POFUT3: variants seen among roughly 807,000 people sequenced by gnomAD.
POFUT3 encodes GDP-fucose protein O-fucosyltransferase 3.
chr8:33,321,186 G>A, the POFUT3 span, among the ~76,000 whole-genome samples: 1 of 152,004 alleles, frequency 6.6e-6, no homozygotes. Context: ...TAGTTCCCGA[G>A]GTGCAAGTTC....
the POFUT3 span, among the ~76,000 whole-genome samples, chr8:33,312,554 A>G: frequency 6.6e-6 from 1 of 152,244 alleles, no homozygotes; most frequent in East Asian, 1.9e-4. Context: ...ATGAGATTTT[A>G]TATTCCAAGT....
At chr8:33,373,995 C>T in the POFUT3 span, among the ~76,000 whole-genome samples, 9 of 152,140 alleles carry the variant, frequency 5.9e-5, no homozygotes, top group African/African-American at 1.9e-4. Context: ...CCTCAACTCC[C>T]GGGTCATGAA....
At chr8:33,465,405 T>TATATATATATATATATAC in the POFUT3 span, among the ~76,000 whole-genome samples, 4 of 139,640 alleles carry the variant, frequency 2.9e-5, no homozygotes, top group African/African-American at 1.1e-4. Flanking sequence ...TATATATATA[T>TATATATATATATATATAC]ACACACATAC....
At chr8:33,325,830 G>T in the POFUT3 span, among the ~76,000 whole-genome samples, 1 of 152,136 alleles carries the variant, frequency 6.6e-6, no homozygotes. Flanking sequence ...GGTGTGAATG[G>T]TATTTCCAGG....
the POFUT3 span, among the ~76,000 whole-genome samples, chr8:33,437,135 T>C: frequency 6.6e-6 from 1 of 152,162 alleles, no homozygotes; most frequent in Non-Finnish European, 1.5e-5. Flanking sequence ...CCACGGTGTA[T>C]ATGAAGATTT....
the POFUT3 span, among the ~76,000 whole-genome samples, chr8:33,332,583 AGTGG>A: frequency 6.6e-6 from 1 of 152,124 alleles, no homozygotes; most frequent in South Asian, 2.1e-4. Flanking sequence ...TCACAGCGTG[AGTGG>A]GTGCTAAGTA....
At chr8:33,372,583 C>G in the POFUT3 span, 1 of 1,613,262 alleles carries the variant, frequency 6.2e-7, no homozygotes. Context: ...GAAATCAGTC[C>G]TTGAATACTA....
At chr8:33,425,153 C>T in the POFUT3 span, among the ~76,000 whole-genome samples, 10 of 151,680 alleles carry the variant, frequency 6.6e-5, no homozygotes, top group Admixed American at 1.3e-4. Flanking sequence ...CTGGGCAACA[C>T]AGTGAGACAC....
the POFUT3 span, chr8:33,436,513 AC>A: frequency 8.4e-7 from 1 of 1,196,448 alleles, no homozygotes. Flanking sequence ...ACTGATGTTT[AC>A]CCCATAAAGC....
At chr8:33,383,644 C>T in the POFUT3 span, among the ~76,000 whole-genome samples, 1 of 151,996 alleles carries the variant, frequency 6.6e-6, no homozygotes, top group Non-Finnish European at 1.5e-5. Flanking sequence ...ACTAAATATA[C>T]AAAAATTAGC....
At chr8:33,351,834 G>A in the POFUT3 span, among the ~76,000 whole-genome samples, 1 of 152,166 alleles carries the variant, frequency 6.6e-6, no homozygotes, top group African/African-American at 2.4e-5. Flanking sequence ...GTATATAACA[G>A]GTAGAAGATA....
the POFUT3 span, among the ~76,000 whole-genome samples, chr8:33,449,154 G>C: frequency 1.3e-5 from 2 of 151,958 alleles, no homozygotes; most frequent in Non-Finnish European, 2.9e-5. Context: ...CACTGTGCCT[G>C]ATATACAGTA....
chr8:33,430,604 T>C, the POFUT3 span, among the ~76,000 whole-genome samples: 1 of 152,196 alleles, frequency 6.6e-6, no homozygotes, highest in Non-Finnish European at 1.5e-5. Flanking sequence ...TATTTATTTA[T>C]TTTTGTATTT....
At chr8:33,361,522 C>T in the POFUT3 span, 1 of 152,160 alleles carries the variant, frequency 6.6e-6, no homozygotes, top group East Asian at 1.9e-4. Flanking sequence ...GAGGCGTCCA[C>T]AAAACAGAGA....
At chr8:33,309,138 T>TAAA in the POFUT3 span, among the ~76,000 whole-genome samples, 85 of 41,654 alleles carry the variant, frequency 2.0e-3, no homozygotes, top group East Asian at 5.0e-3. Context: ...CTGGGGAGTG[T>TAAA]AAAAAAAAAA....
At chr8:33,348,701 GT>G in the POFUT3 span, among the ~76,000 whole-genome samples, 1 of 152,224 alleles carries the variant, frequency 6.6e-6, no homozygotes, top group African/African-American at 2.4e-5. Flanking sequence ...AATCATTTAT[GT>G]CCTGATATTC....
At chr8:33,357,666 T>A in the POFUT3 span, among the ~76,000 whole-genome samples, 1 of 151,992 alleles carries the variant, frequency 6.6e-6, no homozygotes, top group Admixed American at 6.6e-5. Context: ...ATTCTCTCAA[T>A]CCCAAAAATT....
the POFUT3 span, among the ~76,000 whole-genome samples, chr8:33,443,265 TGTTA>T: frequency 3.3e-5 from 5 of 152,204 alleles, no homozygotes; most frequent in Non-Finnish European, 2.9e-5. Flanking sequence ...GAAATGTCTT[TGTTA>T]GTTAAATTTT....
chr8:33,434,773 CA>C, the POFUT3 span, among the ~76,000 whole-genome samples: 1,894 of 152,252 alleles, frequency 0.012, 44 homozygotes, highest in African/African-American at 0.043. Context: ...TGTGCACCTC[CA>C]CCCCTGCTAA....
Sources: gnomAD v4.1 joint callset for allele counts (sites outside exome capture counted in the v4.1 genomes callset) on GRCh38, gnomAD v4.1.1 for gene constraint, MANE v1.5 for transcripts, NCBI Gene and HGNC (gene_info 2026-07-23, HGNC 2026-07-21) for gene names.